The following ARHGEF28 variants were observed in gnomAD, a reference collection of about 807,000 sequenced individuals.
ARHGEF28 encodes the protein Rho guanine nucleotide exchange factor 28.
In ARHGEF28, 152 loss-of-function variants were observed where a neutral mutation model predicts 206.6. That is an observed-to-expected ratio of 0.74 (90% CI 0.64 to 0.84). The LOEUF is 0.84. Ranked by LOEUF, ARHGEF28 falls within the 40% of genes least tolerant of loss-of-function variation. The probability of loss-of-function intolerance (pLI) is 0.00; values close to 1 mark genes in which losing one functional copy is unlikely to be tolerated. For missense variants in ARHGEF28, 2,028 were observed against 2,073.2 expected (o/e 0.98, Z 0.42); for synonymous variants, 763 against 776.4 (o/e 0.98, Z 0.29).
chr5:73,794,536 A>T (rs2112485731), intron 8 of ARHGEF28, 82 bp downstream of exon 8: 1 of 1,088,118 alleles, frequency 9.2e-7, no homozygotes, highest in East Asian at 2.6e-5. Context: ...AAAAATGTTT[A>T]AAAAACACTA....
At position 73,770,744 on chromosome 5, in the gene ARHGEF28, T is replaced by C. The variant is rs537141224; in HGVS notation, c.476-3111T>C. ...AATGAGAAAGCTCTCTCTTACAACA[T>C]TTTGGTCAGTTTTTATTTGTTTTCT... On this transcript the variant is annotated intron_variant, in intron 4 of 35. Coordinates refer to ENST00000513042, the MANE Select transcript of ARHGEF28 (RefSeq NM_001177693.2). Among the ~76,000 whole-genome samples the C allele has an allele frequency of 2.6e-5, 4 of 152,326 alleles. No individual in the cohort carries two copies. The Middle Eastern group carries it at 0.01, about 389-fold the overall frequency.
chr5:73,770,261 G>T (rs75297331), intron 4 of ARHGEF28, among the ~76,000 whole-genome samples: 2,357 of 152,254 alleles, frequency 0.015, 54 homozygotes, highest in African/African-American at 0.055. Flanking sequence ...CTCATTTCAT[G>T]GGCAAAGAAA....
At chr5:73,909,157 A>C in intron 33 of ARHGEF28, 1 of 373,040 alleles carries the variant, frequency 2.7e-6, no homozygotes, top group Non-Finnish European at 4.8e-6. Context: ...TTCCCACAGG[A>C]GAGGATGATA....
intron 1 of ARHGEF28, among the ~76,000 whole-genome samples, chr5:73,643,961 G>C (rs1370400458): frequency 6.6e-6 from 1 of 152,090 alleles, no homozygotes; most frequent in Non-Finnish European, 1.5e-5. Context: ...GATGCACTAG[G>C]TGTGCCACTG....
At position 73,928,529 on chromosome 5, in the gene ARHGEF28, G is replaced by A. The variant is rs75785842; in HGVS notation, c.4949-12315G>A. On this transcript the variant is annotated intron_variant, in intron 35 of 35. Transcript: ENST00000513042. ...GCAGGTAGAACTAATTAGCTTGGGT[G>A]TGTTAGGTTTAATTGCTTGCCTTCT... 1.1e-3 allele frequency among the ~76,000 whole-genome samples: 168 copies of A among 152,292 alleles called. 1 individual carries two copies. The highest frequency in any genetic ancestry group is 3.7e-3 in the African/African-American group (154 of 41,548).
chr5:73,849,466 C>T (rs1758568736), intron 13 of ARHGEF28, among the ~76,000 whole-genome samples: 1 of 151,898 alleles, frequency 6.6e-6, no homozygotes, highest in Admixed American at 6.6e-5. Context: ...TAACATAATC[C>T]AACTCCTCAG....
At chr5:73,689,132 C>T (rs1367327042) in intron 2 of ARHGEF28, among the ~76,000 whole-genome samples, 2 of 152,138 alleles carry the variant, frequency 1.3e-5, no homozygotes, top group African/African-American at 4.8e-5. Flanking sequence ...TTATTATGAG[C>T]ACAAAGCAAG....
intron 20 of ARHGEF28, among the ~76,000 whole-genome samples, chr5:73,869,222 T>TGGGGGGGG (rs67692648): frequency 4.0e-5 from 4 of 99,336 alleles, no homozygotes; most frequent in South Asian, 3.9e-4. Flanking sequence ...GTGTGTGGGG[T>TGGGGGGGG]GGAGGGGGGT....
At chr5:73,761,312 T>C (rs565488399) in intron 4 of ARHGEF28, among the ~76,000 whole-genome samples, 2 of 152,222 alleles carry the variant, frequency 1.3e-5, no homozygotes, top group Non-Finnish European at 1.5e-5. Flanking sequence ...GGGATTTGAA[T>C]GCTGGCAGTT....
intron 22 of ARHGEF28, among the ~76,000 whole-genome samples, chr5:73,874,394 T>A (rs1459427323): frequency 6.6e-6 from 1 of 152,068 alleles, no homozygotes; most frequent in African/African-American, 2.4e-5. Context: ...AGTTTCAAGT[T>A]TTTTTATTTA....
chr5:73,734,578 T>C (rs1338195374), intron 2 of ARHGEF28, among the ~76,000 whole-genome samples: 1 of 152,152 alleles, frequency 6.6e-6, no homozygotes, highest in East Asian at 1.9e-4. Flanking sequence ...ACAGGTAACA[T>C]TTCTCTGTGC....
intron 1 of ARHGEF28, among the ~76,000 whole-genome samples, chr5:73,676,219 C>A (rs1251245212): frequency 6.7e-6 from 1 of 148,990 alleles, no homozygotes; most frequent in Non-Finnish European, 1.5e-5. Context: ...TACAGGCCCC[C>A]ACCACCACAC....
chr5:73,796,550 C>T lies in ARHGEF28; in HGVS notation c.1024+1159C>T, dbSNP rs538979363. On this transcript the variant is annotated intron_variant, in intron 9 of 35. Transcript: ENST00000513042. ...ACACGACAGAGCAGTTACAACCATTCGGAAATCATGCTGTGTAGAGCAGAG... is the reference window on the plus strand; with the variant it reads ...ACACGACAGAGCAGTTACAACCATTTGGAAATCATGCTGTGTAGAGCAGAG... 3.3e-5 allele frequency among the ~76,000 whole-genome samples: 5 copies of T among 152,282 alleles called. No individual in the cohort carries two copies. The South Asian group carries it at 8.3e-4, about 25-fold the overall frequency.
At chr5:73,737,868 A>G (rs1338083153) in intron 2 of ARHGEF28, among the ~76,000 whole-genome samples, 1 of 152,038 alleles carries the variant, frequency 6.6e-6, no homozygotes, top group African/African-American at 2.4e-5. Context: ...GCTGGGGCTG[A>G]CTGACTGCTA....
At chr5:73,869,551 T>A (rs1449191440) in intron 20 of ARHGEF28, among the ~76,000 whole-genome samples, 1 of 152,186 alleles carries the variant, frequency 6.6e-6, no homozygotes, top group African/African-American at 2.4e-5. Context: ...TTTTAAATAT[T>A]TGATTCTTTG....
chr5:73,639,373 T>G lies in ARHGEF28; in HGVS notation c.-12+13051T>G, dbSNP rs542992849. On this transcript the variant is annotated intron_variant, in intron 1 of 35. Transcript: ENST00000513042. ...AGAGAGACATTTGTAATTAGCTCAG[T>G]AACTTGTGCAGCTGTTGAGAACATT... Among the ~76,000 whole-genome samples, 8 of 151,908 alleles carry G rather than the reference T, an allele frequency of 5.3e-5. No homozygotes were observed. The South Asian group carries it at 1.2e-3, about 24-fold the overall frequency.
Position 73,846,476 on chromosome 5 carries a change from G to C in ARHGEF28, c.1635+1G>C. ...TCTATCAAGTAATCTACAGTCGAAGGTATTCTTATTGCTATTAATTTGGTA... is the reference window on the plus strand; with the variant it reads ...TCTATCAAGTAATCTACAGTCGAAGCTATTCTTATTGCTATTAATTTGGTA... On this transcript the variant is annotated splice_donor_variant, in intron 12 of 35. Transcript: ENST00000513042. LOFTEE classifies it high-confidence loss of function. 2 of 1,612,020 alleles carry C rather than the reference G, an allele frequency of 1.2e-6. No individual in the cohort carries two copies. The highest frequency in any genetic ancestry group is 1.7e-6 in the Non-Finnish European group (2 of 1,178,262).
intron 16 of ARHGEF28, among the ~76,000 whole-genome samples, chr5:73,858,506 G>A (rs1355868053): frequency 1.3e-5 from 2 of 152,084 alleles, no homozygotes; most frequent in Admixed American, 6.6e-5. Flanking sequence ...TGATGCTCTC[G>A]GCCTTTAATG....
chr5:73,899,752 GCTCTATTTTCAGT>G (rs1762160403), intron 30 of ARHGEF28: 2 of 152,222 alleles, frequency 1.3e-5, no homozygotes, highest in Non-Finnish European at 2.9e-5. Context: ...CAAGCAGACA[GCTCTATTTTCAGT>G]CTTCAGTATA....
Sources: allele counts gnomAD v4.1 joint callset (sites outside exome capture counted in the v4.1 genomes callset), GRCh38; gene constraint gnomAD v4.1.1; transcripts MANE v1.5; gene names NCBI Gene and HGNC (gene_info 2026-07-23, HGNC 2026-07-21).